INTS4: variants seen among roughly 807,000 people sequenced by gnomAD.
The protein encoded by INTS4 is integrator complex subunit 4.
A neutral mutation model predicts 119.5 loss-of-function variants in INTS4; 70 were observed. The ratio of observed to expected loss-of-function variants is 0.59; its 90% CI spans 0.48 to 0.71. The LOEUF is 0.71. Ranked by LOEUF, INTS4 falls within the 30% of genes least tolerant of loss-of-function variation. The pLI is 0.00. For synonymous variants in INTS4, 316 were observed against 419.6 expected, an observed-to-expected ratio of 0.75 and a Z score of 3.02; for missense variants, 867 against 1,173.2, an observed-to-expected ratio of 0.74 and a Z score of 3.81.
In INTS4 at chr11:77,931,108, A is replaced by G. The variant is rs375330081; in HGVS notation, c.1166-2561T>C. Among the ~76,000 whole-genome samples, 119 of 152,374 alleles carry G rather than the reference A, an allele frequency of 7.8e-4. 2 individuals are homozygous for G. Among genetic ancestry groups the G allele is most frequent in the African/African-American group, 2.8e-3 (117 of 41,590 alleles). On this transcript the variant is annotated intron_variant, in intron 10 of 22. Coordinates refer to ENST00000534064, the MANE Select transcript of INTS4 (RefSeq NM_033547.4). ...GCACAGGGAATGTAAGAAAATGCATATGAAGAAATATAGCTCAATCAATGG... is the reference window on the plus strand; with the variant it reads ...GCACAGGGAATGTAAGAAAATGCATGTGAAGAAATATAGCTCAATCAATGG...
intron 4 of INTS4, among the ~76,000 whole-genome samples, chr11:77,963,095 T>A (rs1855317722): frequency 6.6e-6 from 1 of 152,158 alleles, no homozygotes; most frequent in African/African-American, 2.4e-5. Context: ...ATGACTAAAC[T>A]GTTGATTGCA....
Position 77,978,984 on chromosome 11 carries a change from T to C in INTS4, c.471+12A>G. On this transcript the variant is annotated intron_variant, in intron 4 of 22. Coordinates refer to ENST00000534064, the MANE Select transcript of INTS4 (RefSeq NM_033547.4). ...AGTTTAGGATGGATCTGAATAGATT[T>C]TATACTCTTACCTTGCAGGCCACAT... 1.9e-6 allele frequency: 3 copies of C among 1,553,320 alleles called. No homozygotes were observed. Among genetic ancestry groups the C allele is most frequent in the Middle Eastern group, 1.7e-4 (1 of 5,922 alleles).
At chr11:77,905,627 C>T (rs183071092) in intron 16 of INTS4, among the ~76,000 whole-genome samples, 1 of 152,270 alleles carries the variant, frequency 6.6e-6, no homozygotes, top group East Asian at 1.9e-4. Context: ...ATATCCTTTT[C>T]GTACATCTGC....
At chr11:77,939,618 A>T (rs1953881106) in intron 9 of INTS4, among the ~76,000 whole-genome samples, 1 of 152,152 alleles carries the variant, frequency 6.6e-6, no homozygotes, top group South Asian at 2.1e-4. Context: ...TATGGTTCTC[A>T]TCACAAATGA....
At chr11:77,962,696 C>T (rs921774777) in intron 4 of INTS4, among the ~76,000 whole-genome samples, 2 of 151,444 alleles carry the variant, frequency 1.3e-5, no homozygotes, top group Non-Finnish European at 2.9e-5. Flanking sequence ...TACTCTGGTA[C>T]TTGTATTTTA....
At chr11:77,931,056 CAG>C (rs1953636490) in intron 10 of INTS4, among the ~76,000 whole-genome samples, 1 of 152,118 alleles carries the variant, frequency 6.6e-6, no homozygotes, top group African/African-American at 2.4e-5. Flanking sequence ...AATTGCATTA[CAG>C]AGTGATGACT....
In INTS4 at chr11:77,961,143, TAAAAAAAAAAAAAAAA is replaced by T. The variant is rs11370501; in HGVS notation, c.472-21_472-6del. On this transcript the variant is annotated splice_region_variant and splice_polypyrimidine_tract_variant and intron_variant, in intron 4 of 22. Transcript: ENST00000534064. ...ATGAGACGTATCTGTCAGATGCTAT[TAAAAAAAAAAAAAAAA>T]AGAAAAAAAGAAAAAGAAAAAAAGG... 9.2e-7 allele frequency: 1 copy of T among 1,084,348 alleles called. No homozygotes were observed. Among genetic ancestry groups the T allele is most frequent in the Non-Finnish European group, 1.2e-6 (1 of 860,242 alleles). 67.2% of individuals were successfully genotyped at this position (1,084,348 alleles called of 1,614,324 possible). A position where few individuals can be genotyped will look rare whatever the true frequency, so the allele number is the denominator to read the frequency against.
At chr11:77,909,366 A>T (rs1193312357) in intron 15 of INTS4, among the ~76,000 whole-genome samples, 2 of 152,234 alleles carry the variant, frequency 1.3e-5, no homozygotes, top group African/African-American at 4.8e-5. Context: ...TTTATTTCTC[A>T]CAGTTGTATA....
chr11:77,979,362 C>T (rs903418603), intron 3 of INTS4, among the ~76,000 whole-genome samples: 1 of 151,934 alleles, frequency 6.6e-6, no homozygotes, highest in Non-Finnish European at 1.5e-5. Context: ...AGAGTCTCAG[C>T]TACTTAGGAG....
chr11:77,952,269 AG>A (rs1327451076), intron 8 of INTS4, among the ~76,000 whole-genome samples: 1 of 152,220 alleles, frequency 6.6e-6, no homozygotes, highest in African/African-American at 2.4e-5. Context: ...GATACTCACC[AG>A]GAAAGGATTA....
chr11:77,980,608 G>C (rs1221441081), intron 3 of INTS4, among the ~76,000 whole-genome samples: 1 of 152,064 alleles, frequency 6.6e-6, no homozygotes. Context: ...CAAATTCCTG[G>C]GCTCAAGGGA....
chr11:77,980,631 G>A (rs947851123), intron 3 of INTS4, among the ~76,000 whole-genome samples: 6 of 152,114 alleles, frequency 3.9e-5, no homozygotes, highest in African/African-American at 9.7e-5. Context: ...CTCCCACCTC[G>A]ACCTCCCAAA....
intron 18 of INTS4, among the ~76,000 whole-genome samples, chr11:77,897,740 C>T (rs1347768925): frequency 1.3e-5 from 2 of 151,908 alleles, no homozygotes; most frequent in Non-Finnish European, 2.9e-5. Flanking sequence ...CTCCTGACCT[C>T]GTGATCCACC....
intron 11 of INTS4, among the ~76,000 whole-genome samples, chr11:77,926,717 CAGG>C (rs1953510162): frequency 2.0e-5 from 3 of 150,314 alleles, no homozygotes; most frequent in South Asian, 4.2e-4. Flanking sequence ...GAGACTGAGG[CAGG>C]AGAATTGCTT....
chr11:77,881,517 A>G lies in INTS4; in HGVS notation c.2713+2315T>C, dbSNP rs187057209. 4.6e-5 allele frequency among the ~76,000 whole-genome samples: 7 copies of G among 152,376 alleles called. No individual in the cohort carries two copies. In the East Asian group the frequency reaches 1.3e-3, roughly 29 times the overall value. ...TGGGAAGGGTGACTGCAGCTTTAGC[A>G]CTGTCACTGATCAGGTATGTGGGCC... On this transcript the variant is annotated intron_variant, in intron 22 of 22. Transcript: ENST00000534064.
At chr11:77,968,274 A>G (rs1855577072) in intron 4 of INTS4, among the ~76,000 whole-genome samples, 1 of 152,244 alleles carries the variant, frequency 6.6e-6, no homozygotes, top group Non-Finnish European at 1.5e-5. Flanking sequence ...AAATGGCATG[A>G]TTTCTCCAAT....
intron 21 of INTS4, among the ~76,000 whole-genome samples, chr11:77,888,723 T>G (rs917026430): frequency 4.0e-5 from 6 of 151,774 alleles, no homozygotes; most frequent in African/African-American, 1.5e-4. Flanking sequence ...CAAACAAATT[T>G]ACAAGAAAAA....
intron 10 of INTS4, among the ~76,000 whole-genome samples, chr11:77,930,130 A>G (rs1953610627): frequency 6.6e-6 from 1 of 152,248 alleles, no homozygotes; most frequent in Non-Finnish European, 1.5e-5. Context: ...AATGCTCATA[A>G]GACTTCTATA....
At chr11:77,878,091 G>A (rs998573750), downstream of INTS4, among the ~76,000 whole-genome samples, 6 of 152,226 alleles carry the variant, frequency 3.9e-5, no homozygotes, top group East Asian at 9.6e-4. Context: ...AGCAAGGCGC[G>A]GTTGCTCACA....
Sources: gnomAD v4.1 joint callset for allele counts (sites outside exome capture counted in the v4.1 genomes callset) on GRCh38, gnomAD v4.1.1 for gene constraint, MANE v1.5 for transcripts, NCBI Gene and HGNC (gene_info 2026-07-23, HGNC 2026-07-21) for gene names.